Variants in PHKB observed in about 807,000 individuals in gnomAD.
The protein encoded by PHKB is phosphorylase b kinase regulatory subunit beta.
In PHKB, 122 loss-of-function variants were observed where a neutral mutation model predicts 152.1. That is an observed-to-expected ratio of 0.80 (90% CI 0.69 to 0.93). The LOEUF (loss-of-function observed/expected upper bound fraction) is 0.93, where lower values mean the gene tolerates loss of function less well. Among genes scored for constraint, PHKB ranks in the 40% least tolerant of loss-of-function variants. The probability of loss-of-function intolerance (pLI) is 0.00; values close to 1 mark genes in which losing one functional copy is unlikely to be tolerated. For missense variants in PHKB, 1,304 were observed against 1,328.4 expected, an observed-to-expected ratio of 0.98 and a Z score of 0.29; for synonymous variants, 436 against 464.9, an observed-to-expected ratio of 0.94 and a Z score of 0.80.
chr16:47,484,862 A>G (rs142331919), intron 1 of PHKB, among the ~76,000 whole-genome samples: 1 of 152,216 alleles, frequency 6.6e-6, no homozygotes, highest in Admixed American at 6.5e-5. Flanking sequence ...AATGCATATA[A>G]TATTTTCATA....
intron 13 of PHKB, among the ~76,000 whole-genome samples, chr16:47,605,576 A>T (rs903266926): frequency 6.6e-6 from 1 of 152,208 alleles, no homozygotes; most frequent in African/African-American, 2.4e-5. Context: ...CATACAATTG[A>T]GATACGGAAA....
chr16:47,672,006 C>T (rs1030676104), intron 26 of PHKB, among the ~76,000 whole-genome samples: 2 of 152,056 alleles, frequency 1.3e-5, no homozygotes, highest in African/African-American at 4.8e-5. Flanking sequence ...GCAAAAGTAT[C>T]TGAAAAATAT....
rs1237146183 is a variant in PHKB at position 47,543,651 on chromosome 16, G to A, written c.595-3782G>A. On this transcript the variant is annotated intron_variant, in intron 6 of 30. Coordinates refer to ENST00000323584, the MANE Select transcript of PHKB (RefSeq NM_000293.3). ...GTCCTGGACTTTTTTTGGTTGGTAGGCTATTAATTATTGCCTCAATTTCAG... is the reference window on the plus strand; with the variant it reads ...GTCCTGGACTTTTTTTGGTTGGTAGACTATTAATTATTGCCTCAATTTCAG... 2.0e-5 allele frequency among the ~76,000 whole-genome samples: 3 copies of A among 152,172 alleles called. 1 individual carries two copies. Among genetic ancestry groups the A allele is most frequent in the East Asian group, 1.9e-4 (1 of 5,172 alleles).
intron 1 of PHKB, among the ~76,000 whole-genome samples, chr16:47,485,513 A>G (rs555348516): frequency 1.6e-4 from 25 of 152,324 alleles, no homozygotes; most frequent in African/African-American, 5.3e-4. Context: ...GAGATAGGGT[A>G]GTCTGTGAGA....
chr16:47,625,546 C>T (rs1352111914), intron 14 of PHKB, among the ~76,000 whole-genome samples: 1 of 152,112 alleles, frequency 6.6e-6, no homozygotes, highest in Non-Finnish European at 1.5e-5. Flanking sequence ...GGCCTTTGCA[C>T]ACTCTTCCTT....
intron 26 of PHKB, among the ~76,000 whole-genome samples, chr16:47,687,387 G>A (rs192543041): frequency 9.8e-4 from 149 of 152,294 alleles, no homozygotes; most frequent in African/African-American, 3.3e-3. Context: ...CTTGTGTAAC[G>A]TTTTTGCTAA....
intron 7 of PHKB, among the ~76,000 whole-genome samples, chr16:47,579,299 G>A (rs766276481): frequency 6.6e-6 from 1 of 152,176 alleles, no homozygotes; most frequent in Non-Finnish European, 1.5e-5. Context: ...AGATGATGAT[G>A]ACATGAATAG....
At chr16:47,553,719 G>T (rs968312647) in intron 7 of PHKB, among the ~76,000 whole-genome samples, 3 of 152,128 alleles carry the variant, frequency 2.0e-5, no homozygotes, top group African/African-American at 7.2e-5. Flanking sequence ...TGGGGTCTCT[G>T]AGTGGACATC....
chr16:47,496,718 A>G (rs562806765), intron 1 of PHKB, among the ~76,000 whole-genome samples: 1 of 152,230 alleles, frequency 6.6e-6, no homozygotes, highest in Non-Finnish European at 1.5e-5. Context: ...AATTTTCTAT[A>G]TCCATTTTGT....
At chr16:47,658,536 G>A (rs1019899361) in intron 20 of PHKB, among the ~76,000 whole-genome samples, 2 of 152,034 alleles carry the variant, frequency 1.3e-5, no homozygotes, top group African/African-American at 2.4e-5. Flanking sequence ...GATGGACCAC[G>A]TATACAATGG....
chr16:47,672,738 A>G (rs1046112867), intron 26 of PHKB, among the ~76,000 whole-genome samples: 2 of 152,154 alleles, frequency 1.3e-5, no homozygotes, highest in Admixed American at 6.6e-5. Context: ...CTTGAATTCA[A>G]CTCTAACCTG....
At chr16:47,564,863 C>A (rs1971537923) in intron 7 of PHKB, among the ~76,000 whole-genome samples, 1 of 151,884 alleles carries the variant, frequency 6.6e-6, no homozygotes, top group African/African-American at 2.4e-5. Context: ...ATTCTTTCCC[C>A]AGTGTGTGTT....
In PHKB at chr16:47,661,801, G is replaced by A; in HGVS notation, c.2278+1G>A. On this transcript the variant is annotated splice_donor_variant, in intron 23 of 30. Coordinates refer to ENST00000323584, the MANE Select transcript of PHKB (RefSeq NM_000293.3). LOFTEE classifies it high-confidence loss of function. ...GGCCCCAACTTCATCACAAAGGAAG[G>A]TAAGCATGCATGTCTAGGAGAACAT... The A allele has an allele frequency of 6.2e-7, 1 of 1,601,478 alleles. No homozygotes were observed. Among genetic ancestry groups the A allele is most frequent in the South Asian group, 1.1e-5 (1 of 90,854 alleles).
chr16:47,546,093 T>A (rs1971158804), intron 6 of PHKB, among the ~76,000 whole-genome samples: 1 of 152,268 alleles, frequency 6.6e-6, no homozygotes, highest in African/African-American at 2.4e-5. Context: ...CCTACTTCTT[T>A]GAACTCGTCA....
intron 6 of PHKB, among the ~76,000 whole-genome samples, chr16:47,547,013 G>A (rs920494874): frequency 1.2e-4 from 18 of 152,198 alleles, no homozygotes; most frequent in African/African-American, 4.1e-4. Flanking sequence ...AGTCTGTCAA[G>A]GCTTCCCTTG....
intron 1 of PHKB, among the ~76,000 whole-genome samples, chr16:47,484,172 GAA>G (rs1279383099): frequency 6.6e-6 from 1 of 152,066 alleles, no homozygotes; most frequent in African/African-American, 2.4e-5. Context: ...TTAATATCCT[GAA>G]ATAGATTTTA....
intron 23 of PHKB, among the ~76,000 whole-genome samples, 159 bp from the exon 24 acceptor site, chr16:47,663,518 A>G (rs1973479982): frequency 6.6e-6 from 1 of 152,206 alleles, no homozygotes; most frequent in Non-Finnish European, 1.5e-5. Flanking sequence ...CACTCTATAT[A>G]TTTGAGTTAC....
At chr16:47,647,286 G>A (rs1973147702) in intron 16 of PHKB, among the ~76,000 whole-genome samples, 1 of 151,998 alleles carries the variant, frequency 6.6e-6, no homozygotes, top group Non-Finnish European at 1.5e-5. Flanking sequence ...ACCACGCCCG[G>A]CTAATTTTTG....
At chr16:47,466,157 A>G (rs1246722604) in intron 1 of PHKB, among the ~76,000 whole-genome samples, 1 of 152,158 alleles carries the variant, frequency 6.6e-6, no homozygotes, top group Non-Finnish European at 1.5e-5. Flanking sequence ...CTAATGTACT[A>G]GTATTTGCTG....
Sources: gnomAD v4.1 joint callset for allele counts (sites outside exome capture counted in the v4.1 genomes callset) on GRCh38, gnomAD v4.1.1 for gene constraint, MANE v1.5 for transcripts, NCBI Gene and HGNC (gene_info 2026-07-23, HGNC 2026-07-21) for gene names.